STRAP: variants seen among roughly 807,000 people sequenced by gnomAD.
STRAP encodes the protein serine-threonine kinase receptor-associated protein.
In STRAP, 16 loss-of-function variants were observed where a neutral mutation model predicts 47.0. That is an observed-to-expected ratio of 0.34 (90% CI 0.23 to 0.52). The LOEUF (loss-of-function observed/expected upper bound fraction) is 0.52, where lower values mean the gene tolerates loss of function less well. Ranked by LOEUF, STRAP falls within the 20% of genes least tolerant of loss-of-function variation. The probability of loss-of-function intolerance (pLI) is 0.96; values close to 1 mark genes in which losing one functional copy is unlikely to be tolerated. For synonymous variants in STRAP, 130 were observed against 142.7 expected, an observed-to-expected ratio of 0.91 and a Z score of 0.63; for missense variants, 293 against 420.0, an observed-to-expected ratio of 0.70 and a Z score of 2.64.
chr12:15,885,243 C>T (rs1056499097), intron 2 of STRAP, among the ~76,000 whole-genome samples: 4 of 133,308 alleles, frequency 3.0e-5, no homozygotes, highest in African/African-American at 1.2e-4. Flanking sequence ...GGCTGGAGTG[C>T]GGTGGCACAG....
intron 2 of STRAP, among the ~76,000 whole-genome samples, chr12:15,886,799 C>G (rs1484199988): frequency 6.6e-6 from 1 of 152,046 alleles, no homozygotes; most frequent in East Asian, 1.9e-4. Context: ...ATGGTGTGGT[C>G]ATTTAGAAGT....
chr12:15,886,980 T>C (rs1354853224), intron 2 of STRAP, among the ~76,000 whole-genome samples: 2 of 152,234 alleles, frequency 1.3e-5, no homozygotes, highest in African/African-American at 4.8e-5. Flanking sequence ...AAGACAATTC[T>C]GTGCTGTGCT....
chr12:15,890,638 AC>A lies in STRAP; in HGVS notation c.373del (p.Arg125AlafsTer5). 6.2e-7 allele frequency: 1 copy of A among 1,611,816 alleles called. No individual in the cohort carries two copies. Among genetic ancestry groups the A allele is most frequent in the Non-Finnish European group, 8.5e-7 (1 of 1,179,208 alleles). On this transcript the variant is annotated frameshift_variant, in exon 4 of 10. Transcript: ENST00000419869. LOFTEE classifies it high-confidence loss of function. The surrounding 1 kb of genome is among the most constrained non-coding windows in gnomAD (Gnocchi z 4.5). ...TAACCGGGGGACAGGATAAACTGTT[AC>A]GCATATATGACTTGAACAAACCTGA... ...LLTGGQDKLLRIYDLNKPEAE... is the reference protein window; with the variant it reads ...LLTGGQDKLLXIYDLNKPEAE...
chr12:15,882,673 A>ATGAG lies in STRAP; in HGVS notation c.-35_-34insTGAG. 1 of 1,566,366 alleles carries ATGAG rather than the reference A, an allele frequency of 6.4e-7. No individual in the cohort carries two copies. The highest frequency in any genetic ancestry group is 8.7e-7 in the Non-Finnish European group (1 of 1,150,628). On this transcript the variant is annotated 5_prime_UTR_variant, in exon 1 of 10. The change creates a new upstream start codon in the 5' untranslated region. Coordinates refer to ENST00000419869, the MANE Select transcript of STRAP (RefSeq NM_007178.4). ...GAGAGAAAAGACAACGACGACCCTC[A>ATGAG]GCTCGCCAGTCCGGTCGCTGGCTTC...
chr12:15,899,091 A>G (rs1215748866), intron 7 of STRAP, among the ~76,000 whole-genome samples: 2 of 152,172 alleles, frequency 1.3e-5, no homozygotes, highest in Non-Finnish European at 2.9e-5. Flanking sequence ...TTCTTTTTCA[A>G]GATTGAGAGA....
intron 7 of STRAP, among the ~76,000 whole-genome samples, chr12:15,898,511 G>GA (rs1398829549): frequency 6.6e-6 from 1 of 152,106 alleles, no homozygotes; most frequent in African/African-American, 2.4e-5. Flanking sequence ...ATACCTTTAG[G>GA]AATCTGAATT....
At chr12:15,891,359 T>A (rs776474236) in intron 4 of STRAP, among the ~76,000 whole-genome samples, 1 of 152,238 alleles carries the variant, frequency 6.6e-6, no homozygotes, top group African/African-American at 2.4e-5. Flanking sequence ...TTTTGAACCA[T>A]GTAAATATAT....
At chr12:15,885,606 A>G (rs1947964288) in intron 2 of STRAP, among the ~76,000 whole-genome samples, 1 of 151,272 alleles carries the variant, frequency 6.6e-6, no homozygotes, top group South Asian at 2.1e-4. Flanking sequence ...AGGCTGATTG[A>G]CTGTGGTGGC....
intron 2 of STRAP, 132 bp downstream of exon 2, chr12:15,883,808 A>T: frequency 4.8e-6 from 6 of 1,255,628 alleles, no homozygotes; most frequent in Non-Finnish European, 6.5e-6. Context: ...GTTTGATCCC[A>T]CCAAAATTCC....
intron 5 of STRAP, among the ~76,000 whole-genome samples, 161 bp from the exon 6 acceptor site, chr12:15,895,198 C>T (rs984268384): frequency 1.3e-5 from 2 of 152,062 alleles, no homozygotes; most frequent in Non-Finnish European, 2.9e-5. Flanking sequence ...TATATAGAAA[C>T]CCAGAATTTT....
At position 15,882,617 on chromosome 12, in the gene STRAP, G is replaced by A. The variant is rs924578478; in HGVS notation, c.-91G>A. ...GCCCAGCCCTAGTGTCAGGGCGGGG[G>A]CCTGGAGCAGCCCGAGGCACTGCAG... On this transcript the variant is annotated 5_prime_UTR_variant, in exon 1 of 10. Transcript: ENST00000419869. 1.4e-5 allele frequency: 15 copies of A among 1,084,918 alleles called. No individual in the cohort carries two copies. The highest frequency in any genetic ancestry group is 1.8e-5 in the Non-Finnish European group (13 of 737,986). The allele number at this position is 1,084,918 out of a possible 1,614,324, so 67.2% of individuals were successfully genotyped here.
rs1481024316 is a variant in STRAP at position 15,899,436 on chromosome 12, TAA to T, written c.776-467_776-466del. Among the ~76,000 whole-genome samples, 183 of 152,306 alleles carry T rather than the reference TAA, an allele frequency of 1.2e-3. 1 individual carries two copies. Among genetic ancestry groups the T allele is most frequent in the African/African-American group, 4.2e-3 (174 of 41,568 alleles). On this transcript the variant is annotated intron_variant, in intron 7 of 9. Coordinates refer to ENST00000419869, the MANE Select transcript of STRAP (RefSeq NM_007178.4). Reference sequence around the variant, plus strand: ...TATCTCACCTTTCTGTGTGACAGAATAATTAGTGGACTGTAGGAAATTAAGAG... The same window carrying T: ...TATCTCACCTTTCTGTGTGACAGAATTTAGTGGACTGTAGGAAATTAAGAG...
At chr12:15,889,569 T>TA (rs1200707565) in intron 2 of STRAP, among the ~76,000 whole-genome samples, 1 of 152,132 alleles carries the variant, frequency 6.6e-6, no homozygotes, top group African/African-American at 2.4e-5. Flanking sequence ...AAAAATTGGT[T>TA]AAAATGTATG....
At chr12:15,891,903 A>G (rs1948018520) in intron 4 of STRAP, among the ~76,000 whole-genome samples, 5 of 151,992 alleles carry the variant, frequency 3.3e-5, no homozygotes, top group Admixed American at 3.3e-4. Flanking sequence ...CCGAGATTGC[A>G]TACCAGCCTG....
intron 6 of STRAP, among the ~76,000 whole-genome samples, chr12:15,897,499 T>C (rs1052593328): frequency 2.0e-5 from 3 of 152,144 alleles, no homozygotes; most frequent in African/African-American, 7.2e-5. Flanking sequence ...TGAAAACTTT[T>C]TCTGTTTACA....
intron 9 of STRAP, among the ~76,000 whole-genome samples, chr12:15,901,841 T>G (rs111988775): frequency 2.2e-5 from 3 of 136,564 alleles, no homozygotes; most frequent in Non-Finnish European, 3.1e-5. Flanking sequence ...AGCTTGGGTG[T>G]CAGAGAGAGA....
intron 1 of STRAP, chr12:15,883,073 A>G (rs1947937508): frequency 1.3e-6 from 2 of 1,535,528 alleles, no homozygotes; most frequent in South Asian, 1.2e-5. Flanking sequence ...TTTTATTGCT[A>G]TTTTTGAAGG....
In STRAP at chr12:15,890,451, G is replaced by T. The variant is rs185540697; in HGVS notation, c.331-146G>T. 32 of 701,970 alleles carry T rather than the reference G, an allele frequency of 4.6e-5. No homozygotes were observed. Among genetic ancestry groups the T allele is most frequent in the African/African-American group, 9.1e-5 (5 of 54,846 alleles). The allele number at this position is 701,970 out of a possible 1,614,324, so 43.5% of individuals were successfully genotyped here. A position where few individuals can be genotyped will look rare whatever the true frequency, so the allele number is the denominator to read the frequency against. The stretch of plus-strand genomic sequence containing the variant: ...GTTATGAGAGGTCAGCTGTTCCACA[G>T]TATCTTCTCAGAAGTAATTGGTTAT... On this transcript the variant is annotated intron_variant, in intron 3 of 9. Transcript: ENST00000419869. This position sits in a 1 kb window ranked among gnomAD's most constrained non-coding sequence, Gnocchi z 4.5.
rs1340952886 is a variant in STRAP at position 15,894,469 on chromosome 12, A to G, written c.500+326A>G. On this transcript the variant is annotated intron_variant, in intron 5 of 9. Transcript: ENST00000419869. The surrounding 1 kb of genome is among the most constrained non-coding windows in gnomAD (Gnocchi z 4.9). ...GCTAGACTGTCTCAAAAGAAAAACA[A>G]ACTTAAAATTTGCAAAATATTTTAC... is the stretch of plus-strand genomic sequence containing the variant. Among the ~76,000 whole-genome samples, 1 of 152,214 alleles carries G rather than the reference A, an allele frequency of 6.6e-6. No homozygotes were observed. Among genetic ancestry groups the G allele is most frequent in the Non-Finnish European group, 1.5e-5 (1 of 68,030 alleles).
Sources: allele counts gnomAD v4.1 joint callset (sites outside exome capture counted in the v4.1 genomes callset), GRCh38; gene constraint gnomAD v4.1.1; non-coding constraint Gnocchi (gnomAD v3.1); transcripts MANE v1.5; gene names NCBI Gene and HGNC (gene_info 2026-07-23, HGNC 2026-07-21).